The following MPPED2 variants were observed in gnomAD, a reference collection of about 807,000 sequenced individuals.
MPPED2 encodes metallophosphoesterase MPPED2.
A neutral mutation model predicts 33.0 loss-of-function variants in MPPED2; 5 were observed. That is an observed-to-expected ratio of 0.15 (90% CI 0.08 to 0.32). The LOEUF (loss-of-function observed/expected upper bound fraction) is 0.32, where lower values mean the gene tolerates loss of function less well. Among genes scored for constraint, MPPED2 ranks in the 10% least tolerant of loss-of-function variants. MPPED2 has a pLI of 1.00. For missense variants in MPPED2, 275 were observed against 372.1 expected, an observed-to-expected ratio of 0.74 and a Z score of 2.15; for synonymous variants, 136 against 141.9, an observed-to-expected ratio of 0.96 and a Z score of 0.29.
chr11:30,545,547 T>C (rs559527273), intron 2 of MPPED2, among the ~76,000 whole-genome samples: 1 of 152,046 alleles, frequency 6.6e-6, no homozygotes, highest in Non-Finnish European at 1.5e-5. Context: ...GTAATAGTGA[T>C]GATGATGATG....
chr11:30,562,715 C>T (rs1244815159), intron 2 of MPPED2, among the ~76,000 whole-genome samples: 1 of 152,092 alleles, frequency 6.6e-6, no homozygotes, highest in Non-Finnish European at 1.5e-5. Context: ...TTCTGCTTGA[C>T]CTTGAGCACA....
At chr11:30,458,507 A>G (rs1950376308) in intron 4 of MPPED2, among the ~76,000 whole-genome samples, 1 of 152,228 alleles carries the variant, frequency 6.6e-6, no homozygotes, top group Non-Finnish European at 1.5e-5. Context: ...TGTCCCAATC[A>G]ACTCAGAACC....
chr11:30,459,012 G>A (rs1336039703), intron 4 of MPPED2, among the ~76,000 whole-genome samples: 1 of 125,288 alleles, frequency 8.0e-6, no homozygotes, highest in African/African-American at 3.0e-5. Context: ...TGCAAGCTCC[G>A]CCTCCCGGGT....
rs1414276191 is a variant in MPPED2 at position 30,414,307 on chromosome 11, T to C, written c.687A>G (p.Arg229=). Reference sequence around the variant, plus strand: ...TGTTTAACAGCTCCACACAGCCCACTCTTTGAAGCTCCTTTGGAACCCAGT... The same window carrying C: ...TGTTTAACAGCTCCACACAGCCCACCCTTTGAAGCTCCTTTGGAACCCAGT... ...FRDWVPKELQ[R]VGCVELLNTV... is the part of the protein sequence containing the mutation. The change falls in exon 6 of 7, where the codon AGA becomes AGG. Residue 229 remains arginine, a synonymous_variant. Transcript: ENST00000358117. 6.2e-7 allele frequency: 1 copy of C among 1,613,966 alleles called. No individual in the cohort carries two copies. The highest frequency in any genetic ancestry group is 1.3e-5 in the African/African-American group (1 of 75,016).
intron 2 of MPPED2, among the ~76,000 whole-genome samples, chr11:30,569,353 A>G (rs1565192426): frequency 6.6e-6 from 1 of 152,234 alleles, no homozygotes; most frequent in Non-Finnish European, 1.5e-5. Context: ...TGAAGAAAGC[A>G]TTAGACTTTT....
chr11:30,487,939 C>T (rs969288272), intron 4 of MPPED2, among the ~76,000 whole-genome samples: 33 of 152,028 alleles, frequency 2.2e-4, no homozygotes, highest in African/African-American at 7.7e-4. Context: ...TGAAAACGTC[C>T]AGGTCTTCTA....
At chr11:30,463,826 T>C (rs1196656525) in intron 4 of MPPED2, among the ~76,000 whole-genome samples, 4 of 150,846 alleles carry the variant, frequency 2.7e-5, no homozygotes, top group Non-Finnish European at 5.9e-5. Flanking sequence ...CTAACTGATA[T>C]GGGATTATGT....
intron 3 of MPPED2, among the ~76,000 whole-genome samples, chr11:30,524,063 C>G (rs1432958407): frequency 6.6e-6 from 1 of 151,844 alleles, no homozygotes; most frequent in East Asian, 2.0e-4. Context: ...CCAGTCTGGC[C>G]AACATGGTGA....
chr11:30,392,973 G>A (rs1947798726), intron 6 of MPPED2, among the ~76,000 whole-genome samples: 1 of 152,098 alleles, frequency 6.6e-6, no homozygotes, highest in Admixed American at 6.5e-5. Flanking sequence ...CTTGGTTCAA[G>A]TCTTCCCTCT....
At chr11:30,576,898 C>T (rs892008451) in intron 2 of MPPED2, among the ~76,000 whole-genome samples, 2 of 151,892 alleles carry the variant, frequency 1.3e-5, no homozygotes, top group Non-Finnish European at 2.9e-5. Context: ...AAAAACTTCC[C>T]TCCATAACAA....
intron 4 of MPPED2, among the ~76,000 whole-genome samples, chr11:30,484,674 A>G (rs1261506673): frequency 6.6e-6 from 1 of 152,168 alleles, no homozygotes; most frequent in East Asian, 1.9e-4. Flanking sequence ...GTGACCTTCA[A>G]AATGCCCATA....
chr11:30,407,187 A>C (rs999714296), downstream of MPPED2, among the ~76,000 whole-genome samples: 1 of 152,254 alleles, frequency 6.6e-6, no homozygotes, highest in Non-Finnish European at 1.5e-5. Flanking sequence ...CTGTTTCTAA[A>C]GGGATTTCAG....
At chr11:30,512,266 C>T (rs545374904) in intron 3 of MPPED2, among the ~76,000 whole-genome samples, 2 of 152,082 alleles carry the variant, frequency 1.3e-5, no homozygotes, top group East Asian at 3.9e-4. Flanking sequence ...CTTTCCATAT[C>T]TTGTTCATGT....
Position 30,412,431 on chromosome 11 carries a change from A to G in MPPED2, c.767-845T>C, listed in dbSNP as rs540370774. On this transcript the variant is annotated intron_variant, in intron 6 of 6. Coordinates refer to ENST00000358117, the MANE Select transcript of MPPED2 (RefSeq NM_001584.3). ...TTATATTTGCCTTATAGCCTCTTCA[A>G]CTAAGATTCTATGTTGGTATCAGGC... Among the ~76,000 whole-genome samples, 41 of 152,210 alleles carry G rather than the reference A, an allele frequency of 2.7e-4. 3 individuals carry two copies. The South Asian group carries it at 6.0e-3, about 22-fold the overall frequency.
chr11:30,528,812 C>G (rs1250181925), intron 3 of MPPED2, among the ~76,000 whole-genome samples: 3 of 151,960 alleles, frequency 2.0e-5, no homozygotes, highest in African/African-American at 7.3e-5. Context: ...ACTGAGGGTA[C>G]CCAAAAATAT....
chr11:30,456,421 A>G (rs1487706167), intron 4 of MPPED2, among the ~76,000 whole-genome samples: 3 of 152,204 alleles, frequency 2.0e-5, no homozygotes, highest in Admixed American at 6.5e-5. Context: ...AATCTTGACC[A>G]TATATGGGGT....
At chr11:30,416,891 C>T (rs1247249673) in intron 5 of MPPED2, among the ~76,000 whole-genome samples, 1 of 152,160 alleles carries the variant, frequency 6.6e-6, no homozygotes, top group Non-Finnish European at 1.5e-5. Context: ...CATTCTTTGG[C>T]CCATAATGTG....
intron 4 of MPPED2, among the ~76,000 whole-genome samples, chr11:30,437,506 T>A (rs1949375301): frequency 6.6e-6 from 1 of 152,282 alleles, no homozygotes; most frequent in South Asian, 2.1e-4. Context: ...AGTAAGTCCT[T>A]TCCTGTTAGG....
chr11:30,550,088 C>G (rs190571377), intron 2 of MPPED2, among the ~76,000 whole-genome samples: 40 of 152,264 alleles, frequency 2.6e-4, no homozygotes, highest in Admixed American at 5.2e-4. Context: ...GCAATGCCCC[C>G]CAATGTCCAT....
Sources: allele counts gnomAD v4.1 joint callset (sites outside exome capture counted in the v4.1 genomes callset), GRCh38; gene constraint gnomAD v4.1.1; transcripts MANE v1.5; gene names NCBI Gene and HGNC (gene_info 2026-07-23, HGNC 2026-07-21).